Variants in YEATS4 observed in about 807,000 individuals in gnomAD.
YEATS4 encodes the protein YEATS domain containing 4.
YEATS4 carries 17 observed loss-of-function variants against 30.1 expected under a neutral mutation model. The ratio of observed to expected loss-of-function variants is 0.56; its 90% confidence interval spans 0.39 to 0.85. The LOEUF (loss-of-function observed/expected upper bound fraction) is 0.85, where lower values mean the gene tolerates loss of function less well. Among genes scored for constraint, YEATS4 ranks in the 40% least tolerant of loss-of-function variants. YEATS4 has a pLI of 0.00. For missense variants in YEATS4, 142 were observed against 268.3 expected, an observed-to-expected ratio of 0.53 and a Z score of 3.29; for synonymous variants, 85 against 87.5, an observed-to-expected ratio of 0.97 and a Z score of 0.16.
chr12:69,426,689 T>C, the YEATS4 span, among the ~76,000 whole-genome samples: 71 of 152,330 alleles, frequency 4.7e-4, no homozygotes, highest in Non-Finnish European at 7.2e-4. Flanking sequence ...CCTTTAAACA[T>C]AGGTAACCAG....
the YEATS4 span, among the ~76,000 whole-genome samples, chr12:69,406,584 G>GT: frequency 6.7e-6 from 1 of 148,636 alleles, no homozygotes; most frequent in Admixed American, 6.7e-5. Flanking sequence ...AAAATTCTGA[G>GT]TAAGATTGAG....
chr12:69,409,371 C>T, the YEATS4 span, among the ~76,000 whole-genome samples: 1 of 152,112 alleles, frequency 6.6e-6, no homozygotes, highest in Non-Finnish European at 1.5e-5. Flanking sequence ...AATCCCAGCA[C>T]TTTGGGAGAC....
At chr12:69,382,516 A>G (rs768065582) in intron 6 of YEATS4, among the ~76,000 whole-genome samples, 7 of 152,124 alleles carry the variant, frequency 4.6e-5, no homozygotes, top group Non-Finnish European at 7.3e-5. Context: ...GGGTACCACA[A>G]ATATTTACTT....
chr12:69,362,229 G>A (rs936448437), intron 1 of YEATS4, among the ~76,000 whole-genome samples: 1 of 151,966 alleles, frequency 6.6e-6, no homozygotes, highest in Non-Finnish European at 1.5e-5. Flanking sequence ...TCTTGGCCAG[G>A]CTGGTCTTGA....
intron 2 of YEATS4, among the ~76,000 whole-genome samples, 190 bp from the exon 3 acceptor site, chr12:69,365,443 T>TC (rs1252000745): frequency 5.5e-5 from 8 of 144,574 alleles, no homozygotes; most frequent in African/African-American, 2.1e-4. Flanking sequence ...AAAGCGAGAC[T>TC]CCATCTCAGG....
At chr12:69,400,752 A>G in the YEATS4 span, among the ~76,000 whole-genome samples, 8 of 152,280 alleles carry the variant, frequency 5.3e-5, no homozygotes, top group African/African-American at 1.7e-4. Context: ...ATGCAAATTA[A>G]CACAAGACAA....
chr12:69,417,856 GAAAAA>G, the YEATS4 span, among the ~76,000 whole-genome samples: 2 of 101,978 alleles, frequency 2.0e-5, no homozygotes, highest in South Asian at 3.2e-4. Flanking sequence ...TTACAATAGG[GAAAAA>G]AAAAAAAAAA....
chr12:69,414,386 C>T, the YEATS4 span, among the ~76,000 whole-genome samples: 226 of 152,168 alleles, frequency 1.5e-3, 2 homozygotes, highest in Middle Eastern at 0.014. Context: ...CATGCTACCG[C>T]GACTGGCTAA....
At chr12:69,380,829 G>A (rs1565680469) in intron 6 of YEATS4, among the ~76,000 whole-genome samples, 1 of 152,162 alleles carries the variant, frequency 6.6e-6, no homozygotes, top group Non-Finnish European at 1.5e-5. Flanking sequence ...GACATCACAT[G>A]TCGGCAGGTT....
At chr12:69,387,399 A>G (rs1228582254) in intron 6 of YEATS4, among the ~76,000 whole-genome samples, 1 of 152,250 alleles carries the variant, frequency 6.6e-6, no homozygotes, top group Non-Finnish European at 1.5e-5. Context: ...ATGTTCTTCC[A>G]GAATTACAAG....
chr12:69,360,289 C>T (rs1411771653), intron 1 of YEATS4, among the ~76,000 whole-genome samples: 1 of 152,150 alleles, frequency 6.6e-6, no homozygotes, highest in East Asian at 1.9e-4. Context: ...ACGTGGCTGC[C>T]AAGGAAACGG....
the YEATS4 span, among the ~76,000 whole-genome samples, chr12:69,405,436 A>C: frequency 2.6e-5 from 4 of 152,182 alleles, no homozygotes; most frequent in African/African-American, 9.7e-5. Flanking sequence ...TAGTGACCTC[A>C]GCGTACAGTT....
the YEATS4 span, among the ~76,000 whole-genome samples, chr12:69,407,673 A>G: frequency 8.8e-5 from 12 of 136,316 alleles, no homozygotes; most frequent in African/African-American, 3.0e-4. Flanking sequence ...GTGGTCCAGT[A>G]GTGTATTCTA....
intron 6 of YEATS4, among the ~76,000 whole-genome samples, chr12:69,386,435 A>G (rs146682697): frequency 4.2e-4 from 64 of 152,132 alleles, no homozygotes; most frequent in African/African-American, 1.5e-3. Flanking sequence ...CTCCTTTCTC[A>G]TTGTTTAAAA....
chr12:69,414,861 CTG>C, the YEATS4 span, among the ~76,000 whole-genome samples: 1 of 152,186 alleles, frequency 6.6e-6, no homozygotes, highest in Non-Finnish European at 1.5e-5. Flanking sequence ...TGAATTCGCA[CTG>C]TGTTGTACTT....
chr12:69,373,540 A>G (rs1035558634), intron 6 of YEATS4, among the ~76,000 whole-genome samples: 1 of 152,156 alleles, frequency 6.6e-6, no homozygotes. Context: ...TCTTTGACAG[A>G]TGGGTAGTTT....
chr12:69,373,839 A>C (rs996692583), intron 6 of YEATS4, among the ~76,000 whole-genome samples: 1 of 152,234 alleles, frequency 6.6e-6, no homozygotes, highest in Non-Finnish European at 1.5e-5. Context: ...ATTCTTCTGC[A>C]TATAGATATC....
the YEATS4 span, among the ~76,000 whole-genome samples, chr12:69,403,106 C>T: frequency 6.6e-6 from 1 of 152,114 alleles, no homozygotes; most frequent in Non-Finnish European, 1.5e-5. Flanking sequence ...CCAGATGCAG[C>T]GCAAGGACTG....
chr12:69,383,229 A>C (rs532645400), intron 6 of YEATS4, among the ~76,000 whole-genome samples: 1 of 152,266 alleles, frequency 6.6e-6, no homozygotes, highest in Non-Finnish European at 1.5e-5. Context: ...ATGTGACTGC[A>C]CGCCAGACTG....
Sources: gnomAD v4.1 joint callset for allele counts (sites outside exome capture counted in the v4.1 genomes callset) on GRCh38, gnomAD v4.1.1 for gene constraint, MANE v1.5 for transcripts, NCBI Gene and HGNC (gene_info 2026-07-23, HGNC 2026-07-21) for gene names.